Variants in WDR33 observed in about 807,000 individuals in gnomAD.
WDR33 encodes WD repeat domain 33, also known as pre-mRNA 3' end processing protein WDR33.
Under a neutral mutation model 164.9 loss-of-function variants are expected in WDR33, and 47 were observed. That is an observed-to-expected ratio of 0.29 (90% CI 0.23 to 0.36). The LOEUF (loss-of-function observed/expected upper bound fraction) is 0.36. Ranked by LOEUF, WDR33 falls within the 10% of genes least tolerant of loss-of-function variation. WDR33 has a pLI of 1.00. For synonymous variants in WDR33, 505 were observed against 589.0 expected (o/e 0.86, Z 2.06); for missense variants, 1,137 against 1,754.1 (o/e 0.65, Z 6.28).
In WDR33 at chr2:127,701,038, T is replaced by A. The variant is rs1685865496; in HGVS notation, c.*5285A>T. The A allele has an allele frequency of 6.6e-6, 1 of 152,358 alleles. No homozygotes were observed. The highest frequency in any genetic ancestry group is 2.4e-5 in the African/African-American group (1 of 41,462). 9.4% of individuals were successfully genotyped at this position (152,358 alleles called of 1,614,324 possible). ...ACACAGGTCTGAACTTTTTTAAAAA[T>A]TAAATTTTTATTTTGAGATCACTGT... is the stretch of plus-strand genomic sequence containing the variant. On this transcript the variant is annotated 3_prime_UTR_variant, in exon 22 of 22. Coordinates refer to ENST00000322313, the MANE Select transcript of WDR33 (RefSeq NM_018383.5).
rs1319672440 is a variant in WDR33 at position 127,703,223 on chromosome 2, T to G, written c.*3100A>C. On this transcript the variant is annotated 3_prime_UTR_variant, in exon 22 of 22. Transcript: ENST00000322313. ...TGTGCCAGTGGTCCTCGCGCTTGAC[T>G]GCACATCAGTTACTTGAAGAGCCAC... is the stretch of plus-strand genomic sequence containing the variant. 6.0e-6 allele frequency: 1 copy of G among 167,074 alleles called. No individual in the cohort carries two copies. Among genetic ancestry groups the G allele is most frequent in the Non-Finnish European group, 1.5e-5 (1 of 68,118 alleles). The allele number at this position is 167,074 out of a possible 1,614,324, so 10.3% of individuals were successfully genotyped here.
At chr2:127,788,347 T>C (rs1688687888) in intron 1 of WDR33, among the ~76,000 whole-genome samples, 1 of 99,508 alleles carries the variant, frequency 1.0e-5, no homozygotes, top group Admixed American at 9.2e-5. Context: ...GCAGAGGGGC[T>C]CCTCACTTCC....
chr2:127,776,587 TA>T (rs1688191098), intron 1 of WDR33, among the ~76,000 whole-genome samples: 1 of 152,144 alleles, frequency 6.6e-6, no homozygotes, highest in Admixed American at 6.5e-5. Context: ...TGCACACCTA[TA>T]GTCCCAGCTA....
At chr2:127,805,396 T>C (rs745480886) in intron 1 of WDR33, among the ~76,000 whole-genome samples, 6 of 152,140 alleles carry the variant, frequency 3.9e-5, no homozygotes, top group Non-Finnish European at 7.4e-5. Context: ...TGAAGTATTT[T>C]TGCCAAAAAT....
intron 8 of WDR33, 45 bp from the exon 9 acceptor site, chr2:127,725,260 T>C: frequency 1.3e-6 from 2 of 1,551,434 alleles, no homozygotes; most frequent in Non-Finnish European, 1.7e-6. Flanking sequence ...TCAAAACAAG[T>C]ATAAATACAA....
chr2:127,756,778 C>T (rs1019393701), intron 7 of WDR33, among the ~76,000 whole-genome samples: 1 of 152,084 alleles, frequency 6.6e-6, no homozygotes, highest in Admixed American at 6.6e-5. Context: ...GGATTTGTCA[C>T]TGCTAAGAAA....
intron 7 of WDR33, chr2:127,737,570 T>C (rs1298781204): frequency 4.1e-6 from 4 of 987,602 alleles, no homozygotes; most frequent in African/African-American, 1.7e-5. Context: ...ACCAAGACTA[T>C]TAGAAAGGCC....
chr2:127,788,047 G>A (rs1485463274), intron 1 of WDR33, among the ~76,000 whole-genome samples: 11 of 85,150 alleles, frequency 1.3e-4, no homozygotes, highest in Admixed American at 1.9e-4. Context: ...CCTCCCGGAC[G>A]GGGCGGCTGG....
rs1356538040 is a variant in WDR33 at position 127,723,838 on chromosome 2, A to G, written c.1197-491T>C. 6.6e-6 allele frequency among the ~76,000 whole-genome samples: 1 copy of G among 152,142 alleles called. No individual in the cohort carries two copies. Among genetic ancestry groups the G allele is most frequent in the Non-Finnish European group, 1.5e-5 (1 of 68,028 alleles). On this transcript the variant is annotated intron_variant, in intron 11 of 21. Transcript: ENST00000322313. This position sits in a 1 kb window ranked among gnomAD's most constrained non-coding sequence, Gnocchi z 5.9. ...ATGCCTGTAATCCCAGCACCTTGGG[A>G]GGCTGAGGCAGGAGGATTGCCTAAG...
In WDR33 at chr2:127,717,304, C is replaced by T. The variant is rs201088754; in HGVS notation, c.2761-41G>A. 99 of 1,482,412 alleles carry T rather than the reference C, an allele frequency of 6.7e-5. 1 individual carries two copies. The East Asian group carries it at 2.0e-3, about 31-fold the overall frequency. The allele number at this position is 1,482,412 out of a possible 1,614,324, so 91.8% of individuals were successfully genotyped here. A position where few individuals can be genotyped will look rare whatever the true frequency, so the allele number is the denominator to read the frequency against. On this transcript the variant is annotated intron_variant, in intron 16 of 21. Transcript: ENST00000322313. This position sits in a 1 kb window ranked among gnomAD's most constrained non-coding sequence, Gnocchi z 5.6. Reference sequence around the variant, plus strand: ...TAAAGTAAGGGTATGAAATCACAGGCTTGAGCTACATAAATAGTGATTGCA... The same window carrying T: ...TAAAGTAAGGGTATGAAATCACAGGTTTGAGCTACATAAATAGTGATTGCA...
At chr2:127,759,391 T>C (rs969382197) in intron 7 of WDR33, among the ~76,000 whole-genome samples, 2 of 152,114 alleles carry the variant, frequency 1.3e-5, no homozygotes, top group Admixed American at 6.5e-5. Context: ...AGAAATACTA[T>C]AATAAAAAGC....
At chr2:127,751,131 C>T (rs561228474) in intron 7 of WDR33, among the ~76,000 whole-genome samples, 4 of 151,890 alleles carry the variant, frequency 2.6e-5, no homozygotes, top group Admixed American at 6.6e-5. Context: ...AAGGCAGAGG[C>T]GGGAGGATCA....
rs539814183 is a variant in WDR33 at position 127,741,206 on chromosome 2, C to T, written c.725-14429G>A. Reference sequence around the variant, plus strand: ...AAGCACATTTCAGTCTGGGAAGAAACCCTAGAGCAGGATTTGAGGCTGAAG... The same window carrying T: ...AAGCACATTTCAGTCTGGGAAGAAATCCTAGAGCAGGATTTGAGGCTGAAG... On this transcript the variant is annotated intron_variant, in intron 7 of 21. Coordinates refer to ENST00000322313, the MANE Select transcript of WDR33 (RefSeq NM_018383.5). The surrounding 1 kb of genome is among the most constrained non-coding windows in gnomAD (Gnocchi z 4.1). Among the ~76,000 whole-genome samples, 6 of 152,216 alleles carry T rather than the reference C, an allele frequency of 3.9e-5. No individual in the cohort carries two copies. The South Asian group carries it at 1.2e-3, about 32-fold the overall frequency.
intron 1 of WDR33, 59 bp from the exon 2 acceptor site, chr2:127,771,063 AC>A: frequency 7.8e-7 from 1 of 1,287,946 alleles, no homozygotes; most frequent in Non-Finnish European, 1.1e-6. Flanking sequence ...CTGCCTGAAA[AC>A]ATTTTTAAAT....
rs1394899709 is a variant in WDR33 at position 127,763,036 on chromosome 2, C to A, written c.724+26G>T. On this transcript the variant is annotated intron_variant, in intron 7 of 21. Transcript: ENST00000322313. The surrounding 1 kb of genome is among the most constrained non-coding windows in gnomAD (Gnocchi z 4.5). ...CAAATGTCTTCCCTATTTAAATATTCCAATCAGTACTGTTAGTACACGTAC... is the reference window on the plus strand; with the variant it reads ...CAAATGTCTTCCCTATTTAAATATTACAATCAGTACTGTTAGTACACGTAC... The A allele has an allele frequency of 1.2e-6, 2 of 1,613,598 alleles. No homozygotes were observed.
In WDR33 at chr2:127,703,631, G is replaced by A. The variant is rs929685514; in HGVS notation, c.*2692C>T. 1 of 167,080 alleles carries A rather than the reference G, an allele frequency of 6.0e-6. No homozygotes were observed. The highest frequency in any genetic ancestry group is 2.4e-5 in the African/African-American group (1 of 41,450). The allele number at this position is 167,080 out of a possible 1,614,324, so 10.3% of individuals were successfully genotyped here. Reference sequence around the variant, plus strand: ...GTAAACAAGGTTACCTACCTCAGGAGGCTGCTTGTGAGAGAGCAAATGCAG... The same window carrying A: ...GTAAACAAGGTTACCTACCTCAGGAAGCTGCTTGTGAGAGAGCAAATGCAG... On this transcript the variant is annotated 3_prime_UTR_variant, in exon 22 of 22. Coordinates refer to ENST00000322313, the MANE Select transcript of WDR33 (RefSeq NM_018383.5).
At chr2:127,778,439 G>GAAAA (rs5834186) in intron 1 of WDR33, among the ~76,000 whole-genome samples, 1 of 123,774 alleles carries the variant, frequency 8.1e-6, no homozygotes. Flanking sequence ...TCCATCTCAA[G>GAAAA]AAAAAAAAAA....
At position 127,719,872 on chromosome 2, in the gene WDR33, C is replaced by T; in HGVS notation, c.2153G>A (p.Gly718Asp). 1 of 1,613,642 alleles carries T rather than the reference C, an allele frequency of 6.2e-7. No homozygotes were observed. The highest frequency in any genetic ancestry group is 8.5e-7 in the Non-Finnish European group (1 of 1,179,946). ...CTGAGGGCCAGGCGGGCCTTGGGGG[C>T]CTATGTGACCCTGTGGGCCAGGTGG... ...QGPPGPQGHI[G>D]PQGPPGPQGH... The change falls in exon 16 of 22, where the codon GGC becomes GAC. Residue 718 changes from glycine (G) to aspartate (D), a missense_variant. By Grantham distance (94) the Gly-to-Asp change is moderately conservative (BLOSUM62 -1). Transcript: ENST00000322313. This position sits in a 1 kb window ranked among gnomAD's most constrained non-coding sequence, Gnocchi z 6.5.
intron 1 of WDR33, among the ~76,000 whole-genome samples, chr2:127,800,809 T>A (rs1193433284): frequency 2.0e-5 from 3 of 152,146 alleles, no homozygotes; most frequent in Non-Finnish European, 2.9e-5. Flanking sequence ...GAAACTTTAT[T>A]AAAGCTATTT....
Sources: allele counts gnomAD v4.1 joint callset (sites outside exome capture counted in the v4.1 genomes callset), GRCh38; gene constraint gnomAD v4.1.1; non-coding constraint Gnocchi (gnomAD v3.1); transcripts MANE v1.5; gene names NCBI Gene and HGNC (gene_info 2026-07-23, HGNC 2026-07-21).